Variants in EYS observed in about 807,000 individuals in gnomAD.
EYS encodes protein eyes shut homolog.
In EYS, 250 loss-of-function variants were observed where a neutral mutation model predicts 282.1. The ratio of observed to expected loss-of-function variants is 0.89; its 90% CI spans 0.80 to 0.98. EYS has a LOEUF of 0.98. Among genes scored for constraint, EYS ranks in the 50% least tolerant of loss-of-function variants. The probability of loss-of-function intolerance (pLI) is 0.00; values close to 1 mark genes in which losing one functional copy is unlikely to be tolerated. For missense variants in EYS, 4,016 were observed against 3,709.0 expected (o/e 1.08, Z -2.15); for synonymous variants, 1,355 against 1,282.9 (o/e 1.06, Z -1.20).
intron 22 of EYS, among the ~76,000 whole-genome samples, chr6:64,725,624 C>T (rs1183500448): frequency 6.6e-6 from 1 of 152,084 alleles, no homozygotes; most frequent in African/African-American, 2.4e-5. Flanking sequence ...ATTTTGACTT[C>T]AAAGTGTCCT....
At chr6:64,527,506 T>C (rs998226489) in intron 26 of EYS, among the ~76,000 whole-genome samples, 1 of 151,866 alleles carries the variant, frequency 6.6e-6, no homozygotes, top group African/African-American at 2.4e-5. Flanking sequence ...AACACTTTAT[T>C]GTTCACACGA....
chr6:65,618,870 C>T (rs375128287), intron 2 of EYS, among the ~76,000 whole-genome samples: 11 of 151,920 alleles, frequency 7.2e-5, no homozygotes, highest in Admixed American at 2.0e-4. Context: ...TGTAGATATG[C>T]GGCATTATTT....
intron 31 of EYS, among the ~76,000 whole-genome samples, chr6:64,213,614 G>C (rs1423737028): frequency 6.6e-6 from 1 of 152,102 alleles, no homozygotes; most frequent in Non-Finnish European, 1.5e-5. Flanking sequence ...TTCCGTTAAA[G>C]TTTCTGGCTT....
At chr6:63,951,653 C>T (rs945492993) in intron 35 of EYS, among the ~76,000 whole-genome samples, 1 of 152,156 alleles carries the variant, frequency 6.6e-6, no homozygotes, top group Admixed American at 6.5e-5. Context: ...TTATCTCCTC[C>T]CCTCCTCACA....
At chr6:65,486,706 T>C (rs890652431) in intron 5 of EYS, among the ~76,000 whole-genome samples, 1 of 152,124 alleles carries the variant, frequency 6.6e-6, no homozygotes, top group African/African-American at 2.4e-5. Context: ...TAGAGCATAA[T>C]GGAAATAAAT....
chr6:64,385,637 A>G (rs1215897225), intron 29 of EYS, among the ~76,000 whole-genome samples: 3 of 152,294 alleles, frequency 2.0e-5, no homozygotes, highest in African/African-American at 7.2e-5. Flanking sequence ...AAATTTAGTC[A>G]ATTATTATCA....
chr6:65,052,913 C>T (rs928590666), intron 13 of EYS, among the ~76,000 whole-genome samples: 6 of 151,644 alleles, frequency 4.0e-5, no homozygotes, highest in Non-Finnish European at 7.4e-5. Flanking sequence ...TTATTTTCCA[C>T]ATTTATTTGT....
At chr6:65,033,984 A>G (rs1215086210) in intron 13 of EYS, among the ~76,000 whole-genome samples, 1 of 152,128 alleles carries the variant, frequency 6.6e-6, no homozygotes, top group Non-Finnish European at 1.5e-5. Flanking sequence ...CAAGGCCTTG[A>G]AAACACACCG....
intron 5 of EYS, among the ~76,000 whole-genome samples, chr6:65,427,837 C>G (rs1364432873): frequency 6.6e-6 from 1 of 151,844 alleles, no homozygotes; most frequent in Non-Finnish European, 1.5e-5. Flanking sequence ...TCATGACATA[C>G]TAAGGAGAGA....
At chr6:64,707,444 C>A (rs578184472) in intron 22 of EYS, among the ~76,000 whole-genome samples, 1 of 151,942 alleles carries the variant, frequency 6.6e-6, no homozygotes, top group South Asian at 2.1e-4. Flanking sequence ...CCGAGGTGGG[C>A]GGGTCACGAG....
chr6:65,641,111 T>C (rs1767260870), intron 1 of EYS, among the ~76,000 whole-genome samples: 1 of 152,224 alleles, frequency 6.6e-6, no homozygotes. Flanking sequence ...TGTGCTTCCC[T>C]ATATGCTTCC....
At chr6:65,442,842 A>C (rs986780757) in intron 5 of EYS, among the ~76,000 whole-genome samples, 4 of 101,668 alleles carry the variant, frequency 3.9e-5, no homozygotes, top group African/African-American at 1.1e-4. Flanking sequence ...ATACATACAT[A>C]TACACATACA....
At chr6:63,822,532 G>A (rs1771350808) in intron 36 of EYS, 1 of 152,204 alleles carries the variant, frequency 6.6e-6, no homozygotes, top group African/African-American at 2.4e-5. Context: ...ACTTTCATTT[G>A]AGGGGAAAAA....
intron 31 of EYS, among the ~76,000 whole-genome samples, chr6:64,226,592 A>G (rs1443775640): frequency 6.6e-6 from 1 of 152,132 alleles, no homozygotes; most frequent in Non-Finnish European, 1.5e-5. Context: ...GCAGCCATAT[A>G]AAACAAAGCA....
chr6:64,457,971 C>T (rs893029370), intron 26 of EYS, among the ~76,000 whole-genome samples: 1 of 151,516 alleles, frequency 6.6e-6, no homozygotes, highest in African/African-American at 2.4e-5. Flanking sequence ...TTTGTGGTTA[C>T]CATGGGGCTT....
At chr6:65,088,591 G>A (rs1043074457) in intron 12 of EYS, among the ~76,000 whole-genome samples, 13 of 152,154 alleles carry the variant, frequency 8.5e-5, no homozygotes, top group African/African-American at 2.4e-4. Context: ...AAGAGGAAGC[G>A]GGGCATGAAA....
chr6:64,235,195 C>T (rs141344707), intron 30 of EYS, among the ~76,000 whole-genome samples: 41 of 151,066 alleles, frequency 2.7e-4, no homozygotes, highest in African/African-American at 9.3e-4. Context: ...CCCATTAACT[C>T]GTCATTTAGC....
intron 39 of EYS, among the ~76,000 whole-genome samples, chr6:63,778,579 A>T (rs1770127363): frequency 6.6e-6 from 1 of 152,168 alleles, no homozygotes; most frequent in Non-Finnish European, 1.5e-5. Context: ...CTTATATCAA[A>T]ATATATTTAA....
chr6:64,002,486 T>C (rs1452588581), intron 33 of EYS, among the ~76,000 whole-genome samples: 1 of 152,142 alleles, frequency 6.6e-6, no homozygotes, highest in Non-Finnish European at 1.5e-5. Context: ...CTGTAACACA[T>C]GCCCACTTGG....
Sources: gnomAD v4.1 joint callset for allele counts (sites outside exome capture counted in the v4.1 genomes callset) on GRCh38, gnomAD v4.1.1 for gene constraint, MANE v1.5 for transcripts, NCBI Gene and HGNC (gene_info 2026-07-23, HGNC 2026-07-21) for gene names.